Variants in LUZP2 observed in about 807,000 individuals in gnomAD.
The protein encoded by LUZP2 is leucine zipper protein 2.
LUZP2 carries 52 observed loss-of-function variants against 51.6 expected under a neutral mutation model. The observed-to-expected ratio is 1.01, with a 90% CI of 0.81 to 1.27. The LOEUF (loss-of-function observed/expected upper bound fraction) is 1.27. Ranked by LOEUF, LUZP2 falls within the 50% of genes most tolerant of loss-of-function variation. The pLI, the probability that LUZP2 is intolerant of heterozygous loss-of-function variation, is 0.00. For synonymous variants in LUZP2, 154 were observed against 137.3 expected (o/e 1.12, Z -0.85); for missense variants, 436 against 395.4 (o/e 1.10, Z -0.87).
chr11:24,573,759 A>G (rs947041455), intron 1 of LUZP2, among the ~76,000 whole-genome samples: 4 of 146,250 alleles, frequency 2.7e-5, no homozygotes, highest in Admixed American at 1.4e-4. Flanking sequence ...CCAAGGATAC[A>G]TATTCACCAG....
chr11:25,012,896 G>T (rs1857024284), intron 9 of LUZP2, among the ~76,000 whole-genome samples: 1 of 151,978 alleles, frequency 6.6e-6, no homozygotes, highest in Non-Finnish European at 1.5e-5. Context: ...AAAAGAAAGA[G>T]ATATATCAAA....
intron 10 of LUZP2, among the ~76,000 whole-genome samples, chr11:25,073,431 G>A (rs867702980): frequency 6.6e-6 from 1 of 152,110 alleles, no homozygotes; most frequent in Non-Finnish European, 1.5e-5. Flanking sequence ...GAGAATCTCC[G>A]GAACACATTC....
chr11:24,591,126 T>C (rs1032775607), intron 1 of LUZP2, among the ~76,000 whole-genome samples: 2 of 151,992 alleles, frequency 1.3e-5, no homozygotes, highest in Non-Finnish European at 2.9e-5. Flanking sequence ...ATAGTAATAA[T>C]AAAATGTTTT....
At chr11:24,513,857 A>G (rs972984456) in intron 1 of LUZP2, among the ~76,000 whole-genome samples, 2 of 152,196 alleles carry the variant, frequency 1.3e-5, no homozygotes, top group African/African-American at 4.8e-5. Context: ...TTTATCTCAA[A>G]GAAGTGATGA....
chr11:24,972,613 C>T (rs550656165), intron 7 of LUZP2, among the ~76,000 whole-genome samples: 12 of 152,012 alleles, frequency 7.9e-5, no homozygotes, highest in African/African-American at 2.7e-4. Context: ...CCTTCAATAC[C>T]TAATTTATTG....
At chr11:24,768,207 C>T (rs1442452917) in intron 5 of LUZP2, among the ~76,000 whole-genome samples, 1 of 152,060 alleles carries the variant, frequency 6.6e-6, no homozygotes, top group Non-Finnish European at 1.5e-5. Context: ...CATCTCAGCT[C>T]ACTGCAACCT....
chr11:25,072,997 A>G, intron 10 of LUZP2, among the ~76,000 whole-genome samples: 1 of 152,092 alleles, frequency 6.6e-6, no homozygotes, highest in East Asian at 1.9e-4. Flanking sequence ...TTAACATACA[A>G]ACACTGGGCT....
chr11:25,013,923 C>T (rs1590835344), intron 9 of LUZP2, among the ~76,000 whole-genome samples: 1 of 152,080 alleles, frequency 6.6e-6, no homozygotes, highest in East Asian at 1.9e-4. Flanking sequence ...TGACAGGCCC[C>T]AGTGTGTGAT....
intron 5 of LUZP2, among the ~76,000 whole-genome samples, chr11:24,855,969 G>T (rs1851553107): frequency 6.6e-6 from 1 of 151,946 alleles, no homozygotes; most frequent in Non-Finnish European, 1.5e-5. Flanking sequence ...ATAGATTAAA[G>T]ACTTAAATGT....
At chr11:24,911,372 A>G (rs935826984) in intron 6 of LUZP2, among the ~76,000 whole-genome samples, 3 of 152,012 alleles carry the variant, frequency 2.0e-5, no homozygotes, top group African/African-American at 7.2e-5. Flanking sequence ...TTTTGTTTTT[A>G]CCCAAATCTC....
At chr11:24,570,137 AAAAC>A (rs1289054041) in intron 1 of LUZP2, among the ~76,000 whole-genome samples, 1 of 152,028 alleles carries the variant, frequency 6.6e-6, no homozygotes, top group Non-Finnish European at 1.5e-5. Flanking sequence ...CAGCTAAGGA[AAAAC>A]AAACTAGGGC....
chr11:24,532,584 C>T (rs1043697719), intron 1 of LUZP2, among the ~76,000 whole-genome samples: 2 of 150,956 alleles, frequency 1.3e-5, no homozygotes, highest in Non-Finnish European at 3.0e-5. Flanking sequence ...GTATATACTT[C>T]TATTGCTGTA....
intron 1 of LUZP2, among the ~76,000 whole-genome samples, chr11:24,657,178 G>C (rs1855836461): frequency 1.3e-5 from 2 of 152,158 alleles, no homozygotes; most frequent in African/African-American, 2.4e-5. Flanking sequence ...GTCATGTTGA[G>C]AGATAATGGA....
chr11:24,780,219 T>TA (rs1849049911), intron 5 of LUZP2, among the ~76,000 whole-genome samples: 1 of 152,186 alleles, frequency 6.6e-6, no homozygotes, highest in Non-Finnish European at 1.5e-5. Context: ...CATTTCCAGC[T>TA]ATTAATTCTG....
chr11:24,917,512 T>C lies in LUZP2; in HGVS notation c.522+2974T>C, dbSNP rs192350100. 7.3e-3 allele frequency among the ~76,000 whole-genome samples: 1,108 copies of C among 152,268 alleles called. 14 individuals carry two copies. The highest frequency in any genetic ancestry group is 0.022 in the African/African-American group (921 of 41,540). On this transcript the variant is annotated intron_variant, in intron 7 of 11. Transcript: ENST00000336930. ...AATCCATCTTGAATTAATTTTTGTATAAGGTGTAAGGAAGGGATCCAATTT... is the reference window on the plus strand; with the variant it reads ...AATCCATCTTGAATTAATTTTTGTACAAGGTGTAAGGAAGGGATCCAATTT...
chr11:24,703,862 G>T (rs1293459871), intron 1 of LUZP2, among the ~76,000 whole-genome samples: 1 of 45,372 alleles, frequency 2.2e-5, no homozygotes, highest in African/African-American at 9.7e-5. Flanking sequence ...CAAAAAAAAC[G>T]AACAAAAAAA....
chr11:24,971,417 GC>G (rs1027457423), intron 7 of LUZP2, among the ~76,000 whole-genome samples: 8 of 152,036 alleles, frequency 5.3e-5, no homozygotes, highest in African/African-American at 1.9e-4. Flanking sequence ...CTCCTGCTGT[GC>G]TGCCCAGTTC....
chr11:24,743,532 G>A (rs907268882), intron 4 of LUZP2, among the ~76,000 whole-genome samples: 15 of 151,964 alleles, frequency 9.9e-5, no homozygotes, highest in African/African-American at 3.4e-4. Context: ...TTTGTGTACA[G>A]TAATCTTCTA....
chr11:24,782,429 G>T (rs749177775), intron 5 of LUZP2, among the ~76,000 whole-genome samples: 13 of 151,984 alleles, frequency 8.6e-5, no homozygotes, highest in Admixed American at 4.6e-4. Flanking sequence ...TGGAGGTGCT[G>T]CCAGGACTCA....
Sources: gnomAD v4.1 joint callset for allele counts (sites outside exome capture counted in the v4.1 genomes callset) on GRCh38, gnomAD v4.1.1 for gene constraint, MANE v1.5 for transcripts, NCBI Gene and HGNC (gene_info 2026-07-23, HGNC 2026-07-21) for gene names.